The following CNOT6L variants were observed in gnomAD, a reference collection of about 807,000 sequenced individuals.
CNOT6L encodes CCR4-NOT transcription complex subunit 6-like.
CNOT6L carries 7 observed loss-of-function variants against 64.0 expected under a neutral mutation model. The observed-to-expected ratio is 0.11, with a 90% confidence interval of 0.06 to 0.21. The LOEUF (loss-of-function observed/expected upper bound fraction) is 0.21, where lower values mean the gene tolerates loss of function less well. CNOT6L is among the 10% of genes least tolerant of loss of function. CNOT6L has a pLI of 1.00. For synonymous variants in CNOT6L, 193 were observed against 243.4 expected, an observed-to-expected ratio of 0.79 and a Z score of 1.93; for missense variants, 245 against 669.0, an observed-to-expected ratio of 0.37 and a Z score of 6.99.
chr4:77,745,855 T>A (rs1724131600), intron 6 of CNOT6L, among the ~76,000 whole-genome samples: 1 of 152,214 alleles, frequency 6.6e-6, no homozygotes, highest in African/African-American at 2.4e-5. Flanking sequence ...GAATTCAAAG[T>A]GAAGTGACAC....
Position 77,819,214 on chromosome 4 carries a change from A to G in CNOT6L, c.5+90T>C, listed in dbSNP as rs574167915. On this transcript the variant is annotated intron_variant, in intron 1 of 11. Coordinates refer to ENST00000504123, the MANE Select transcript of CNOT6L (RefSeq NM_144571.3). ...AGTCCCAACTCGCACACCCACACGC[A>G]CATTTGTCCCTCTCCCACCTCATTT... The G allele has an allele frequency of 1.9e-6, 3 of 1,610,306 alleles. No individual in the cohort carries two copies. The South Asian group carries it at 3.3e-5, about 18-fold the overall frequency.
intron 7 of CNOT6L, among the ~76,000 whole-genome samples, chr4:77,743,721 G>C (rs139886635): frequency 6.8e-6 from 1 of 147,302 alleles, no homozygotes; most frequent in Non-Finnish European, 1.5e-5. Context: ...CATGCCTCAG[G>C]CTCCCAAGTA....
chr4:77,766,884 GA>G (rs1208887111), intron 4 of CNOT6L, among the ~76,000 whole-genome samples: 1 of 151,564 alleles, frequency 6.6e-6, no homozygotes, highest in East Asian at 1.9e-4. Flanking sequence ...GCTAAATGGT[GA>G]AACCCTGTCT....
chr4:77,731,299 T>G (rs1560575538), intron 9 of CNOT6L, 88 bp downstream of exon 9: 3 of 1,305,540 alleles, frequency 2.3e-6, no homozygotes, highest in Non-Finnish European at 1.1e-6. Context: ...TTGCAATAAA[T>G]AACGGCAAAA....
rs1722173052 is a variant in CNOT6L at position 77,729,167 on chromosome 4, C to T, written c.1025-86G>A. On this transcript the variant is annotated intron_variant, in intron 9 of 11. Coordinates refer to ENST00000504123, the MANE Select transcript of CNOT6L (RefSeq NM_144571.3). Reference sequence around the variant, plus strand: ...ATCCTCAGGTTTTCTCAATATGATCCACAGCTACTTCTTTACTCTTTTCCA... The same window carrying T: ...ATCCTCAGGTTTTCTCAATATGATCTACAGCTACTTCTTTACTCTTTTCCA... 1.6e-5 allele frequency: 14 copies of T among 890,304 alleles called. No homozygotes were observed. In the South Asian group the frequency reaches 2.1e-4, roughly 13 times the overall value. 55.2% of individuals were successfully genotyped at this position (890,304 alleles called of 1,614,324 possible).
At chr4:77,776,225 A>G in intron 2 of CNOT6L, 46 bp downstream of exon 2, 1 of 1,582,130 alleles carries the variant, frequency 6.3e-7, no homozygotes, top group Non-Finnish European at 8.6e-7. Flanking sequence ...CAACTTTTGT[A>G]TTATCACTAT....
chr4:77,756,989 T>C (rs561850338), intron 4 of CNOT6L, 38 bp from the exon 5 acceptor site: 4 of 1,098,852 alleles, frequency 3.6e-6, no homozygotes, highest in South Asian at 2.9e-5. Flanking sequence ...TTAAAACTTA[T>C]AACTGCAAGG....
chr4:77,722,541 C>T (rs912759971), intron 11 of CNOT6L, among the ~76,000 whole-genome samples: 1 of 152,138 alleles, frequency 6.6e-6, no homozygotes, highest in Non-Finnish European at 1.5e-5. Flanking sequence ...CCAGCCTGGG[C>T]GACAAACCCT....
rs1722433986 is a variant in CNOT6L, at chr4:77,731,529, C to T, written c.882G>A (p.Leu294=). The T allele has an allele frequency of 9.6e-6, 15 of 1,566,194 alleles. No individual in the cohort carries two copies. The highest frequency in any genetic ancestry group is 1.3e-5 in the Non-Finnish European group (15 of 1,161,296). ...AIFFKTEKFT[L]VQKHTVEFNQ... is the part of the protein sequence containing the mutation. ...TAAATTCCACTGTATGCTTCTGCAC[C>T]AATGTAAATCTAAAAGGTACATTAT... Residue 294 remains leucine, a synonymous_variant, in exon 9 of 12, where the codon TTG becomes TTA. Coordinates refer to ENST00000504123, the MANE Select transcript of CNOT6L (RefSeq NM_144571.3).
intron 4 of CNOT6L, among the ~76,000 whole-genome samples, chr4:77,764,412 TATC>T (rs1726577707): frequency 6.6e-6 from 1 of 152,076 alleles, no homozygotes; most frequent in African/African-American, 2.4e-5. Context: ...AAAGGGAAAA[TATC>T]AGAGATGATC....
chr4:77,809,463 A>G (rs1732647571), intron 1 of CNOT6L, among the ~76,000 whole-genome samples: 1 of 152,216 alleles, frequency 6.6e-6, no homozygotes, highest in Admixed American at 6.5e-5. Flanking sequence ...AAATTCTGAC[A>G]GTGTTTCAAG....
intron 4 of CNOT6L, among the ~76,000 whole-genome samples, chr4:77,760,574 A>AT (rs199776756): frequency 1.1e-4 from 17 of 151,470 alleles, no homozygotes; most frequent in Non-Finnish European, 1.3e-4. Flanking sequence ...AATCAATAAA[A>AT]TTAAAAAAAA....
chr4:77,730,621 A>G (rs1365251204), intron 9 of CNOT6L, among the ~76,000 whole-genome samples: 1 of 152,122 alleles, frequency 6.6e-6, no homozygotes, highest in East Asian at 1.9e-4. Context: ...CCAAAATTTC[A>G]TATCAAAGAT....
At position 77,723,517 on chromosome 4, in the gene CNOT6L, A is replaced by G. The variant is rs549374868; in HGVS notation, c.1455+2650T>C. ...TGGGATAGCATTAACTATGTAAAATATATGTATAAAACTGAAAAGTTCATT... is the reference window on the plus strand; with the variant it reads ...TGGGATAGCATTAACTATGTAAAATGTATGTATAAAACTGAAAAGTTCATT... On this transcript the variant is annotated intron_variant, in intron 11 of 11. Coordinates refer to ENST00000504123, the MANE Select transcript of CNOT6L (RefSeq NM_144571.3). Among the ~76,000 whole-genome samples, 30 of 152,322 alleles carry G rather than the reference A, an allele frequency of 2.0e-4. 1 individual carries two copies. In the South Asian group the frequency reaches 5.6e-3, roughly 28 times the overall value.
chr4:77,768,450 G>C (rs1727109430), intron 4 of CNOT6L, among the ~76,000 whole-genome samples: 1 of 143,524 alleles, frequency 7.0e-6, no homozygotes, highest in Non-Finnish European at 1.5e-5. Context: ...GGGTAACAGA[G>C]TGAGACTCTG....
intron 1 of CNOT6L, among the ~76,000 whole-genome samples, chr4:77,791,894 T>C (rs556908754): frequency 1.1e-4 from 17 of 152,286 alleles, no homozygotes; most frequent in African/African-American, 3.9e-4. Flanking sequence ...TCCCAGAGAA[T>C]ATATATGTAC....
At chr4:77,761,490 C>G (rs916448461) in intron 4 of CNOT6L, among the ~76,000 whole-genome samples, 1 of 152,136 alleles carries the variant, frequency 6.6e-6, no homozygotes, top group African/African-American at 2.4e-5. Flanking sequence ...GTAACAGAAA[C>G]GTTTTGAGTT....
At chr4:77,755,486 T>C in intron 5 of CNOT6L, among the ~76,000 whole-genome samples, 1 of 152,112 alleles carries the variant, frequency 6.6e-6, no homozygotes, top group East Asian at 1.9e-4. Flanking sequence ...AGTGCTGGGA[T>C]TACAGGCGTG....
chr4:77,786,360 C>A lies in CNOT6L; in HGVS notation c.6-9968G>T, dbSNP rs113043990. 9.9e-4 allele frequency among the ~76,000 whole-genome samples: 151 copies of A among 151,978 alleles called. 1 individual carries two copies. Among genetic ancestry groups the A allele is most frequent in the African/African-American group, 3.1e-3 (130 of 41,460 alleles). ...GAGCATAGTGGCTCACACCTGTAAT[C>A]CCAGCACTTTGGGAGGCTGAGGTGG... is the stretch of plus-strand genomic sequence containing the variant. On this transcript the variant is annotated intron_variant, in intron 1 of 11. Transcript: ENST00000504123.
Sources: gnomAD v4.1 joint callset for allele counts (sites outside exome capture counted in the v4.1 genomes callset) on GRCh38, gnomAD v4.1.1 for gene constraint, MANE v1.5 for transcripts, NCBI Gene and HGNC (gene_info 2026-07-23, HGNC 2026-07-21) for gene names.